CTNNA3: variants seen among roughly 807,000 people sequenced by gnomAD.
The protein encoded by CTNNA3 is catenin alpha 3, also known as catenin alpha-3.
Under a neutral mutation model 95.7 loss-of-function variants are expected in CTNNA3, and 76 were observed. The observed-to-expected ratio is 0.79, with a 90% confidence interval of 0.66 to 0.96. The LOEUF (loss-of-function observed/expected upper bound fraction) is 0.96, where lower values mean the gene tolerates loss of function less well. Ranked by LOEUF, CTNNA3 falls within the 40% of genes least tolerant of loss-of-function variation. CTNNA3 has a pLI of 0.00. For missense variants in CTNNA3, 1,191 were observed against 1,089.8 expected (o/e 1.09, Z -1.31); for synonymous variants, 431 against 374.4 (o/e 1.15, Z -1.74).
At chr10:66,000,320 T>C (rs1254732967) in intron 15 of CTNNA3, among the ~76,000 whole-genome samples, 3 of 152,156 alleles carry the variant, frequency 2.0e-5, no homozygotes, top group Non-Finnish European at 4.4e-5. Flanking sequence ...TCCTCCTTTC[T>C]CTTTTGATTA....
chr10:66,405,320 T>C (rs996750768), intron 11 of CTNNA3, among the ~76,000 whole-genome samples: 3 of 152,186 alleles, frequency 2.0e-5, no homozygotes, highest in Non-Finnish European at 4.4e-5. Flanking sequence ...ATAAGTGACC[T>C]GATGTCTAGA....
intron 10 of CTNNA3, among the ~76,000 whole-genome samples, chr10:66,529,716 T>G (rs1417931270): frequency 1.3e-5 from 2 of 152,256 alleles, no homozygotes; most frequent in East Asian, 3.9e-4. Flanking sequence ...GTATTGTTTT[T>G]CATCCCCTGA....
At chr10:67,281,805 A>T (rs1427482932) in intron 5 of CTNNA3, among the ~76,000 whole-genome samples, 2 of 152,178 alleles carry the variant, frequency 1.3e-5, no homozygotes, top group Non-Finnish European at 2.9e-5. Context: ...AGCCAAATGA[A>T]TCAAATTCAA....
At chr10:67,522,051 C>G in intron 4 of CTNNA3, 90 bp from the exon 5 acceptor site, 1 of 1,291,764 alleles carries the variant, frequency 7.7e-7, no homozygotes, top group Non-Finnish European at 1.1e-6. Context: ...GATAATGAGC[C>G]TCAGTTTCTC....
At chr10:65,958,583 C>T (rs1203186261) in intron 17 of CTNNA3, among the ~76,000 whole-genome samples, 2 of 152,034 alleles carry the variant, frequency 1.3e-5, no homozygotes, top group East Asian at 3.9e-4. Context: ...TGTGGATGTC[C>T]TTTCTGTTTG....
At chr10:66,374,459 A>T (rs376249445) in intron 12 of CTNNA3, among the ~76,000 whole-genome samples, 2 of 152,148 alleles carry the variant, frequency 1.3e-5, no homozygotes, top group Non-Finnish European at 2.9e-5. Flanking sequence ...TAGAAGCTCA[A>T]TTCAAGAGAT....
chr10:65,924,772 G>T (rs1433372391), intron 17 of CTNNA3, among the ~76,000 whole-genome samples: 2 of 152,140 alleles, frequency 1.3e-5, no homozygotes, highest in East Asian at 3.9e-4. Context: ...AAGGAAAGAG[G>T]TTTAATTGAC....
At chr10:67,234,347 A>G (rs1186321355) in intron 5 of CTNNA3, among the ~76,000 whole-genome samples, 1 of 152,272 alleles carries the variant, frequency 6.6e-6, no homozygotes, top group East Asian at 1.9e-4. Flanking sequence ...TGGGATGCAA[A>G]GCTGGTTCAA....
At chr10:67,745,074 C>G (rs61869479) in intron 1 of CTNNA3, among the ~76,000 whole-genome samples, 1 of 151,878 alleles carries the variant, frequency 6.6e-6, no homozygotes, top group African/African-American at 2.4e-5. Flanking sequence ...CTGTAAACTA[C>G]TTCAACCATT....
chr10:66,900,706 A>T (rs894746929), intron 7 of CTNNA3, among the ~76,000 whole-genome samples: 1 of 152,184 alleles, frequency 6.6e-6, no homozygotes, highest in African/African-American at 2.4e-5. Context: ...GCTGAAAACC[A>T]TGGCATGAGA....
chr10:66,644,475 T>TTA (rs201380903), intron 9 of CTNNA3, among the ~76,000 whole-genome samples: 45 of 74,900 alleles, frequency 6.0e-4, no homozygotes, highest in Middle Eastern at 0.012. Flanking sequence ...ATATATATGT[T>TTA]TATATATATA....
chr10:67,122,038 G>A (rs1156901784), intron 7 of CTNNA3, among the ~76,000 whole-genome samples: 1 of 148,070 alleles, frequency 6.8e-6, no homozygotes, highest in African/African-American at 2.5e-5. Flanking sequence ...CAACTTGTTG[G>A]CAATTTCCTA....
chr10:66,487,740 C>A (rs547975301), intron 11 of CTNNA3, among the ~76,000 whole-genome samples: 13 of 152,270 alleles, frequency 8.5e-5, no homozygotes, highest in African/African-American at 3.1e-4. Context: ...CTTGCAATCT[C>A]CTGCCAACAG....
At chr10:66,436,485 A>G (rs12264217) in intron 11 of CTNNA3, among the ~76,000 whole-genome samples, 16,668 of 141,466 alleles carry the variant, frequency 0.12, 1,434 homozygotes, top group African/African-American at 0.24. Context: ...ATCAGAGACT[A>G]GGACTACAAT....
intron 7 of CTNNA3, among the ~76,000 whole-genome samples, chr10:67,119,822 A>G (rs1859370214): frequency 6.6e-6 from 1 of 151,888 alleles, no homozygotes; most frequent in South Asian, 2.1e-4. Context: ...TATGTGACAC[A>G]TCGTATTTAT....
At chr10:66,428,722 C>T (rs1402292117) in intron 11 of CTNNA3, among the ~76,000 whole-genome samples, 1 of 152,032 alleles carries the variant, frequency 6.6e-6, no homozygotes, top group Non-Finnish European at 1.5e-5. Context: ...AAAGACATAA[C>T]ATACTAGAAT....
At chr10:67,299,129 C>A (rs750302787) in intron 5 of CTNNA3, among the ~76,000 whole-genome samples, 4 of 152,172 alleles carry the variant, frequency 2.6e-5, no homozygotes, top group Admixed American at 6.5e-5. Context: ...GATCTCTTGA[C>A]CTCATGATCC....
intron 12 of CTNNA3, among the ~76,000 whole-genome samples, chr10:66,350,570 A>G (rs2092559273): frequency 6.6e-6 from 1 of 151,420 alleles, no homozygotes; most frequent in African/African-American, 2.4e-5. Context: ...AAATTCCCAC[A>G]TCTTATTGAA....
intron 7 of CTNNA3, among the ~76,000 whole-genome samples, chr10:66,918,530 T>G (rs531763345): frequency 6.6e-6 from 1 of 152,270 alleles, no homozygotes; most frequent in African/African-American, 2.4e-5. Flanking sequence ...CCATGAAAAC[T>G]GACTATGTGC....
Sources: allele counts gnomAD v4.1 joint callset (sites outside exome capture counted in the v4.1 genomes callset), GRCh38; gene constraint gnomAD v4.1.1; transcripts MANE v1.5; gene names NCBI Gene and HGNC (gene_info 2026-07-23, HGNC 2026-07-21).